The following TOP1 variants were observed in gnomAD, a reference collection of about 807,000 sequenced individuals.
TOP1 encodes the protein DNA topoisomerase I.
Under a neutral mutation model 111.1 loss-of-function variants are expected in TOP1, and 10 were observed. The observed-to-expected ratio is 0.09, with a 90% confidence interval of 0.06 to 0.15. The LOEUF (loss-of-function observed/expected upper bound fraction) is 0.15. TOP1 is among the 10% of genes least tolerant of loss of function. The pLI, the probability that TOP1 is intolerant of heterozygous loss-of-function variation, is 1.00. For synonymous variants in TOP1, 271 were observed against 302.9 expected (o/e 0.89, Z 1.10); for missense variants, 474 against 926.7 (o/e 0.51, Z 6.34).
At chr20:41,053,389 C>G (rs1302617413) in intron 2 of TOP1, among the ~76,000 whole-genome samples, 1 of 152,114 alleles carries the variant, frequency 6.6e-6, no homozygotes, top group African/African-American at 2.4e-5. Context: ...GCTGTTTTAT[C>G]TCATTATATT....
Position 41,092,573 on chromosome 20 carries a change from A to G in TOP1, c.716A>G (p.Lys239Arg), listed in dbSNP as rs781633039. The change falls in exon 9 of 21, where the codon AAG (lysine) becomes AGG (arginine). Residue 239 changes from lysine (K) to arginine (R), a missense_variant. Physicochemically the swap from Lys to Arg is conservative, Grantham distance 26. Coordinates refer to ENST00000361337, the MANE Select transcript of TOP1 (RefSeq NM_003286.4). The surrounding 1 kb of genome is among the most constrained non-coding windows in gnomAD (Gnocchi z 4.3). ...TATGAGCCTCTTCCAGAGAATGTCA[A>G]GTTTTATTATGATGGTGAGTTGTTT... Reference protein sequence around the residue: ...PPYEPLPENVKFYYDGKVMKL... With the variant: ...PPYEPLPENVRFYYDGKVMKL... The G allele has an allele frequency of 1.3e-6, 2 of 1,556,158 alleles. No homozygotes were observed. The highest frequency in any genetic ancestry group is 2.3e-5 in the East Asian group (1 of 44,358).
At chr20:41,072,737 G>A in intron 3 of TOP1, 2 of 985,356 alleles carry the variant, frequency 2.0e-6, no homozygotes, top group Non-Finnish European at 2.4e-6. Context: ...CTGACAAGTA[G>A]GGATGATCAC....
intron 8 of TOP1, among the ~76,000 whole-genome samples, chr20:41,088,812 TC>T (rs1160881994): frequency 4.6e-5 from 7 of 152,122 alleles, no homozygotes; most frequent in African/African-American, 1.7e-4. Context: ...TCCTTTGAGG[TC>T]TAAGATTCTG....
At chr20:41,041,437 CAAA>C (rs780663951) in intron 2 of TOP1, among the ~76,000 whole-genome samples, 10 of 88,994 alleles carry the variant, frequency 1.1e-4, no homozygotes, top group Admixed American at 1.2e-4. Context: ...GACCCTGTCT[CAAA>C]AAAAAAAAAA....
chr20:41,049,883 G>A (rs925600186), intron 2 of TOP1, among the ~76,000 whole-genome samples: 4 of 152,086 alleles, frequency 2.6e-5, no homozygotes, highest in Admixed American at 1.3e-4. Context: ...TCCCTAACAG[G>A]GGAATCCCAT....
At chr20:41,111,021 A>C (rs1236847114) in intron 13 of TOP1, among the ~76,000 whole-genome samples, 4 of 152,148 alleles carry the variant, frequency 2.6e-5, no homozygotes, top group African/African-American at 9.7e-5. Context: ...TATCCTGTGA[A>C]TGACGTGCGG....
chr20:41,036,545 C>T (rs1600551159), intron 2 of TOP1, among the ~76,000 whole-genome samples: 1 of 152,180 alleles, frequency 6.6e-6, no homozygotes, highest in East Asian at 1.9e-4. Flanking sequence ...GATGAGACAG[C>T]CTCTATTCTC....
chr20:41,043,609 G>A (rs375057690), intron 2 of TOP1, among the ~76,000 whole-genome samples: 1 of 152,204 alleles, frequency 6.6e-6, no homozygotes, highest in South Asian at 2.1e-4. Context: ...GGTTGAATTA[G>A]TAATAGGATA....
rs1334581497 is a variant in TOP1 at position 41,082,035 on chromosome 20, G to A, written c.507+795G>A. On this transcript the variant is annotated intron_variant, in intron 7 of 20. Coordinates refer to ENST00000361337, the MANE Select transcript of TOP1 (RefSeq NM_003286.4). This position sits in a 1 kb window ranked among gnomAD's most constrained non-coding sequence, Gnocchi z 4.1. ...TTCTTGTACCAAAAAATTGTTAGCA[G>A]GTAATTCAAGAAAAGATGTCAGAAA... Among the ~76,000 whole-genome samples the A allele has an allele frequency of 1.3e-5, 2 of 152,156 alleles. No individual in the cohort carries two copies. The highest frequency in any genetic ancestry group is 2.9e-5 in the Non-Finnish European group (2 of 68,028).
intron 8 of TOP1, among the ~76,000 whole-genome samples, chr20:41,091,776 C>T (rs1600584040): frequency 1.3e-5 from 2 of 152,158 alleles, no homozygotes; most frequent in Non-Finnish European, 2.9e-5. Flanking sequence ...AGGCTCCTGA[C>T]CTGGATCACG....
At chr20:41,037,068 G>A (rs567211624) in intron 2 of TOP1, among the ~76,000 whole-genome samples, 1 of 152,174 alleles carries the variant, frequency 6.6e-6, no homozygotes, top group South Asian at 2.1e-4. Flanking sequence ...CTGACCTCGT[G>A]ATCCACCAGC....
chr20:41,114,837 C>G lies in TOP1; in HGVS notation c.1639-534C>G, dbSNP rs2034303209. Among the ~76,000 whole-genome samples, 1 of 152,162 alleles carries G rather than the reference C, an allele frequency of 6.6e-6. No individual in the cohort carries two copies. On this transcript the variant is annotated intron_variant, in intron 15 of 20. Coordinates refer to ENST00000361337, the MANE Select transcript of TOP1 (RefSeq NM_003286.4). The surrounding 1 kb of genome is among the most constrained non-coding windows in gnomAD (Gnocchi z 4.5). ...AGTGTGCAGGATCCTAATAATCCAG[C>G]CCACCAGCAGTCCTCTTCTTATAAA...
rs1289298790 is a variant in TOP1 at position 41,029,227 on chromosome 20, C to G, written c.33+127C>G. ...GGCCGGAGCCCCCGGTGAGGGGCCG[C>G]CTGCCGGAGTAGATCGGCTCGCTAG... On this transcript the variant is annotated intron_variant, in intron 1 of 20. Coordinates refer to ENST00000361337, the MANE Select transcript of TOP1 (RefSeq NM_003286.4). This position sits in a 1 kb window ranked among gnomAD's most constrained non-coding sequence, Gnocchi z 6.1. 3 of 836,710 alleles carry G rather than the reference C, an allele frequency of 3.6e-6. No individual in the cohort carries two copies. Among genetic ancestry groups the G allele is most frequent in the Middle Eastern group, 3.8e-4 (1 of 2,606 alleles). 51.8% of individuals were successfully genotyped at this position (836,710 alleles called of 1,614,324 possible).
In TOP1 at chr20:41,098,099, C is replaced by A; in HGVS notation, c.853-116C>A. On this transcript the variant is annotated intron_variant, in intron 10 of 20. Coordinates refer to ENST00000361337, the MANE Select transcript of TOP1 (RefSeq NM_003286.4). The surrounding 1 kb of genome is among the most constrained non-coding windows in gnomAD (Gnocchi z 5.7). Reference sequence around the variant, plus strand: ...AAAATTCATTAATTGAGATTGGCTACTTCCAGAAACCTTTGACTGAAAAAA... The same window carrying A: ...AAAATTCATTAATTGAGATTGGCTAATTCCAGAAACCTTTGACTGAAAAAA... 2.8e-6 allele frequency: 3 copies of A among 1,078,354 alleles called. No homozygotes were observed. The highest frequency in any genetic ancestry group is 4.5e-5 in the Admixed American group (2 of 44,106). 66.8% of individuals were successfully genotyped at this position (1,078,354 alleles called of 1,614,324 possible). A position where few individuals can be genotyped will look rare whatever the true frequency, so the allele number is the denominator to read the frequency against.
chr20:41,087,466 T>A (rs1381877177), intron 8 of TOP1, among the ~76,000 whole-genome samples: 4 of 152,208 alleles, frequency 2.6e-5, no homozygotes, highest in Non-Finnish European at 5.9e-5. Context: ...AGGTGTTAGG[T>A]GTGACTTTAA....
chr20:41,087,780 G>C (rs1057180790), intron 8 of TOP1, among the ~76,000 whole-genome samples: 1 of 152,216 alleles, frequency 6.6e-6, no homozygotes, highest in African/African-American at 2.4e-5. Flanking sequence ...ATATCAAACA[G>C]CACATGGAGT....
chr20:41,047,575 T>G (rs1297432277), intron 2 of TOP1, among the ~76,000 whole-genome samples: 1 of 152,152 alleles, frequency 6.6e-6, no homozygotes, highest in Non-Finnish European at 1.5e-5. Context: ...CACAGGAAAA[T>G]CATTTGAAAT....
chr20:41,057,447 C>A (rs2033488482), intron 2 of TOP1, among the ~76,000 whole-genome samples: 1 of 151,852 alleles, frequency 6.6e-6, no homozygotes, highest in Non-Finnish European at 1.5e-5. Flanking sequence ...GAATTACTTT[C>A]AATTTATCCT....
Position 41,092,926 on chromosome 20 carries a change from C to T in TOP1, c.730+339C>T, listed in dbSNP as rs1037282266. Among the ~76,000 whole-genome samples the T allele has an allele frequency of 1.1e-4, 17 of 152,194 alleles. 1 individual carries two copies. The highest frequency in any genetic ancestry group is 2.0e-4 in the Admixed American group (3 of 15,286). The stretch of plus-strand genomic sequence containing the variant: ...TTCGCAAGAGTTATTAGAAAAGCCT[C>T]ACTTGAATGGTAGTATTTTATGTTA... On this transcript the variant is annotated intron_variant, in intron 9 of 20. Coordinates refer to ENST00000361337, the MANE Select transcript of TOP1 (RefSeq NM_003286.4). This position sits in a 1 kb window ranked among gnomAD's most constrained non-coding sequence, Gnocchi z 4.3.
Sources: allele counts gnomAD v4.1 joint callset (sites outside exome capture counted in the v4.1 genomes callset), GRCh38; gene constraint gnomAD v4.1.1; non-coding constraint Gnocchi (gnomAD v3.1); transcripts MANE v1.5; gene names NCBI Gene and HGNC (gene_info 2026-07-23, HGNC 2026-07-21).